SFR1: variants seen among roughly 807,000 people sequenced by gnomAD.
The protein encoded by SFR1 is SWI5 dependent homologous recombination repair protein 1.
SFR1 carries 24 observed loss-of-function variants against 26.2 expected under a neutral mutation model. That is an observed-to-expected ratio of 0.92 (90% CI 0.66 to 1.29). The LOEUF (loss-of-function observed/expected upper bound fraction) is 1.29. Among genes scored for constraint, SFR1 ranks in the 50% most tolerant of loss-of-function variants. SFR1 has a pLI of 0.00. For synonymous variants in SFR1, 77 were observed against 96.6 expected (o/e 0.80, Z 1.19); for missense variants, 276 against 270.2 (o/e 1.02, Z -0.15).
chr10:104,123,276 T>C, intron 2 of SFR1, 190 bp downstream of exon 2: 1 of 506,486 alleles, frequency 2.0e-6, no homozygotes, highest in Non-Finnish European at 3.4e-6. Context: ...CTTCCATATT[T>C]TCCTCTTGAA....
At chr10:104,124,487 A>G (rs531574191) in intron 3 of SFR1, among the ~76,000 whole-genome samples, 4 of 151,656 alleles carry the variant, frequency 2.6e-5, no homozygotes, top group African/African-American at 9.6e-5. Context: ...AATAAAAGGT[A>G]TTTTTAGTAA....
chr10:104,125,856 C>G lies in SFR1; in HGVS notation c.*152C>G, dbSNP rs2134710627. The G allele has an allele frequency of 8.0e-6, 4 of 502,432 alleles. No homozygotes were observed. The East Asian group carries it at 1.4e-4, about 18-fold the overall frequency. 31.1% of individuals were successfully genotyped at this position (502,432 alleles called of 1,614,324 possible). On this transcript the variant is annotated 3_prime_UTR_variant, in exon 4 of 4. Transcript: ENST00000369727. ...TCTTGACTCACTGCAACCTCTGCCT[C>G]TCGGGTTCCAGCAATTCTCCTGCCT...
chr10:104,121,596 C>T (rs2086961431), upstream of SFR1, among the ~76,000 whole-genome samples: 1 of 152,190 alleles, frequency 6.6e-6, no homozygotes, highest in Non-Finnish European at 1.5e-5. Context: ...ATCTAACATG[C>T]AGCCAGCCGT....
Position 104,125,594 on chromosome 10 carries a change from G to A in SFR1, c.628G>A (p.Val210Met), listed in dbSNP as rs776898454. Reference protein sequence around the residue: ...QLLLYELQSAVSEENKKLSLT... With the variant: ...QLLLYELQSAMSEENKKLSLT... ...CTTGCTTTATGAGTTGCAGTCAGCT[G>A]TGTCTGAAGAGAACAAGAAACTAAG... Residue 210 changes from valine (V) to methionine (M), a missense_variant, in exon 4 of 4, where the codon GTG becomes ATG. Physicochemically the swap from Val to Met is conservative, Grantham distance 21. Transcript: ENST00000369727. The A allele has an allele frequency of 1.9e-5, 31 of 1,613,626 alleles. No individual in the cohort carries two copies. Among genetic ancestry groups the A allele is most frequent in the Admixed American group, 3.3e-5 (2 of 59,980 alleles).
intron 1 of SFR1, 111 bp downstream of exon 1, chr10:104,122,307 A>T (rs540460460): frequency 2.1e-6 from 3 of 1,410,382 alleles, no homozygotes; most frequent in Admixed American, 6.3e-5. Context: ...ACCTCACCTT[A>T]TGCCTGGGGT....
chr10:104,123,989 T>G lies in SFR1; in HGVS notation c.411T>G (p.Ala137=). 6.2e-7 allele frequency: 1 copy of G among 1,614,014 alleles called. No homozygotes were observed. The highest frequency in any genetic ancestry group is 8.5e-7 in the Non-Finnish European group (1 of 1,179,948). ...SQSLDSGSCS[A]LQNEFVSEKL... ...CACTTGATTCTGGATCATGCAGTGCTCTCCAAAATGAGTTTGTGAGTGAGA... is the reference window on the plus strand; with the variant it reads ...CACTTGATTCTGGATCATGCAGTGCGCTCCAAAATGAGTTTGTGAGTGAGA... Residue 137 remains alanine, a synonymous_variant, in exon 3 of 4, where the codon GCT becomes GCG. Transcript: ENST00000369727.
chr10:104,122,187 G>T lies in SFR1; in HGVS notation c.4G>T (p.Ala2Ser), dbSNP rs750757147. 14 of 1,547,654 alleles carry T rather than the reference G, an allele frequency of 9.0e-6. No individual in the cohort carries two copies. Among genetic ancestry groups the T allele is most frequent in the Middle Eastern group, 2.1e-4 (1 of 4,786 alleles). Residue 2 changes from alanine (A) to serine (S), a missense_variant, in exon 1 of 4, where the codon GCG becomes TCG. Transcript: ENST00000369727. ...CGCTTTTTTGCTCTCGCTGGGAATG[G>T]CGGAGGGAGGTACCCTGCTGAGGGG... The part of the protein sequence containing the change: M[A>S]EGEKNQDFTF...
At position 104,124,051 on chromosome 10, in the gene SFR1, A is replaced by G. The variant is rs147757228; in HGVS notation, c.473A>G (p.Lys158Arg). 6 of 1,613,994 alleles carry G rather than the reference A, an allele frequency of 3.7e-6. No homozygotes were observed. The highest frequency in any genetic ancestry group is 5.1e-6 in the Non-Finnish European group (6 of 1,179,946). The change falls in exon 3 of 4, where the codon AAA becomes AGA. Residue 158 changes from lysine (K) to arginine (R), a missense_variant. Transcript: ENST00000369727. ...PKQRLNAEKA[K>R]LVKQVQEKED... ...CAAAGATTAAACGCTGAAAAAGCCA[A>G]ATTGGTGAAGCAGGTTCAGGAGAAA... is the stretch of plus-strand genomic sequence containing the variant.
upstream of SFR1, among the ~76,000 whole-genome samples, chr10:104,121,019 A>C (rs1176810001): frequency 1.3e-5 from 2 of 152,094 alleles, no homozygotes; most frequent in East Asian, 3.9e-4. Context: ...GAAGTTACTC[A>C]ACTCTTTCAC....
rs1589591648 is a variant in SFR1, at chr10:104,122,196, G to C, written c.13G>C (p.Glu5Gln). 6.5e-7 allele frequency: 1 copy of C among 1,545,852 alleles called. No individual in the cohort carries two copies. The highest frequency in any genetic ancestry group is 8.7e-7 in the Non-Finnish European group (1 of 1,144,768). MAEG[E>Q]KNQDFTFKME... Reference sequence around the variant, plus strand: ...GCTCTCGCTGGGAATGGCGGAGGGAGGTACCCTGCTGAGGGGAAGGGGGGA... The same window carrying C: ...GCTCTCGCTGGGAATGGCGGAGGGACGTACCCTGCTGAGGGGAAGGGGGGA... The change falls in exon 1 of 4, where the codon GAG becomes CAG. Residue 5 changes from glutamate (E) to glutamine (Q), a missense_variant and splice_region_variant. Transcript: ENST00000369727.
At chr10:104,122,578 C>T in intron 1 of SFR1, 2 of 985,430 alleles carry the variant, frequency 2.0e-6, no homozygotes, top group African/African-American at 1.7e-5. Context: ...CATTCAGGTC[C>T]TATTGTTTTT....
At chr10:104,122,043 T>C, upstream of SFR1, 1 of 1,047,252 alleles carries the variant, frequency 9.5e-7, no homozygotes, top group Non-Finnish European at 1.4e-6. Context: ...CCCACCGCTC[T>C]GAGTCGCTGA....
rs755863148 is a variant in SFR1 at position 104,125,554 on chromosome 10, A to G, written c.588A>G (p.Arg196=). 6.2e-7 allele frequency: 1 copy of G among 1,612,990 alleles called. No individual in the cohort carries two copies. Among genetic ancestry groups the G allele is most frequent in the East Asian group, 2.2e-5 (1 of 44,854 alleles). The part of the protein sequence containing the change: ...SQLQLLIKKW[R]SCSQLLLYEL... ...TACAGTTGTTAATAAAGAAGTGGAG[A>G]AGCTGTAGCCAGCTCTTGCTTTATG... The change falls in exon 4 of 4, where the codon AGA becomes AGG. Residue 196 remains arginine, a synonymous_variant. Coordinates refer to ENST00000369727, the MANE Select transcript of SFR1 (RefSeq NM_001002759.2).
At chr10:104,121,512 C>T (rs2086960515), upstream of SFR1, among the ~76,000 whole-genome samples, 1 of 152,152 alleles carries the variant, frequency 6.6e-6, no homozygotes, top group Admixed American at 6.5e-5. Context: ...GGAACCACCA[C>T]GCTGGAATAG....
chr10:104,125,741 C>A lies in SFR1; in HGVS notation c.*37C>A, dbSNP rs1589594117. 23 of 1,312,934 alleles carry A rather than the reference C, an allele frequency of 1.8e-5. No individual in the cohort carries two copies. Among genetic ancestry groups the A allele is most frequent in the Non-Finnish European group, 2.1e-5 (20 of 939,314 alleles). The allele number at this position is 1,312,934 out of a possible 1,614,324, so 81.3% of individuals were successfully genotyped here. A position where few individuals can be genotyped will look rare whatever the true frequency, so the allele number is the denominator to read the frequency against. On this transcript the variant is annotated 3_prime_UTR_variant, in exon 4 of 4. Transcript: ENST00000369727. ...TGCTCCAGAATATCTTTGAGAATGA[C>A]AACTTAATTAAAAGATACTTAGGCA... is the stretch of plus-strand genomic sequence containing the variant.
At position 104,122,987 on chromosome 10, in the gene SFR1, C is replaced by G. The variant is rs1373309978; in HGVS notation, c.36C>G (p.Phe12Leu). ...TAGAGAAAAACCAAGATTTCACTTT[C>G]AAGATGGAAAGTCCGTCAGACTCAG... is the stretch of plus-strand genomic sequence containing the variant. ...AEGEKNQDFTFKMESPSDSAV... is the reference protein window; with the variant it reads ...AEGEKNQDFTLKMESPSDSAV... The change falls in exon 2 of 4, where the codon TTC becomes TTG. Residue 12 changes from phenylalanine (F) to leucine (L), a missense_variant. Phe to Leu is a conservative substitution (Grantham distance 22). Transcript: ENST00000369727. 1.9e-6 allele frequency: 3 copies of G among 1,613,560 alleles called. No individual in the cohort carries two copies. Among genetic ancestry groups the G allele is most frequent in the East Asian group, 2.2e-5 (1 of 44,886 alleles).
At chr10:104,122,674 T>C in intron 1 of SFR1, 1 of 1,349,854 alleles carries the variant, frequency 7.4e-7, no homozygotes, top group South Asian at 1.6e-5. Context: ...TATTCTTCCC[T>C]ACTTCCAAGG....
upstream of SFR1, among the ~76,000 whole-genome samples, chr10:104,120,959 G>T (rs2086954615): frequency 6.6e-6 from 1 of 152,154 alleles, no homozygotes; most frequent in Admixed American, 6.5e-5. Context: ...CATTCAATAA[G>T]AGGACTGAAA....
rs761654604 is a variant in SFR1 at position 104,125,541 on chromosome 10, TA to T, written c.578del (p.Lys193ArgfsTer25). The T allele has an allele frequency of 6.2e-7, 1 of 1,612,378 alleles. No individual in the cohort carries two copies. The highest frequency in any genetic ancestry group is 1.3e-5 in the African/African-American group (1 of 74,766). Reference sequence around the variant, plus strand: ...GATCTGTCTCAGTTACAGTTGTTAATAAAGAAGTGGAGAAGCTGTAGCCAGC... The same window carrying T: ...GATCTGTCTCAGTTACAGTTGTTAATAAGAAGTGGAGAAGCTGTAGCCAGC... ...KNDLSQLQLL[I>X]KKWRSCSQLL... On this transcript the variant is annotated frameshift_variant, in exon 4 of 4. Coordinates refer to ENST00000369727, the MANE Select transcript of SFR1 (RefSeq NM_001002759.2). LOFTEE classifies it high-confidence loss of function.
Sources: allele counts gnomAD v4.1 joint callset (sites outside exome capture counted in the v4.1 genomes callset), GRCh38; gene constraint gnomAD v4.1.1; transcripts MANE v1.5; gene names NCBI Gene and HGNC (gene_info 2026-07-23, HGNC 2026-07-21).